EML1: variants seen among roughly 807,000 people sequenced by gnomAD.
The protein encoded by EML1 is EMAP like 1.
In EML1, 27 loss-of-function variants were observed where a neutral mutation model predicts 110.4. That is an observed-to-expected ratio of 0.24 (90% CI 0.18 to 0.34). EML1 has a LOEUF of 0.34. Among genes scored for constraint, EML1 ranks in the 10% least tolerant of loss-of-function variants. The pLI is 1.00. For missense variants in EML1, 741 were observed against 1,030.9 expected, an observed-to-expected ratio of 0.72 and a Z score of 3.85; for synonymous variants, 344 against 385.8, an observed-to-expected ratio of 0.89 and a Z score of 1.27.
At chr14:99,744,821 C>G (rs2057086011) in intron 1 of EML1, among the ~76,000 whole-genome samples, 1 of 152,260 alleles carries the variant, frequency 6.6e-6, no homozygotes, top group East Asian at 1.9e-4. Flanking sequence ...TATCTTTTGA[C>G]TTTTTATTTG....
At chr14:99,844,251 C>T (rs1010546729) in intron 1 of EML1, among the ~76,000 whole-genome samples, 4 of 152,134 alleles carry the variant, frequency 2.6e-5, no homozygotes, top group East Asian at 1.9e-4. Flanking sequence ...GAGGCCGAGG[C>T]GGGCGGATCA....
Position 99,922,297 on chromosome 14 carries a change from G to A in EML1, c.1909+1420G>A, listed in dbSNP as rs138348461. Among the ~76,000 whole-genome samples, 589 of 152,120 alleles carry A rather than the reference G, an allele frequency of 3.9e-3. 5 individuals are homozygous for A. Among genetic ancestry groups the A allele is most frequent in the African/African-American group, 0.014 (568 of 41,488 alleles). ...CACCTGGCTAATTTTTGTATTTTTA[G>A]TAGTGATGGGATTTCGCCATATTGG... On this transcript the variant is annotated intron_variant, in intron 17 of 21. Transcript: ENST00000262233.
intron 1 of EML1, among the ~76,000 whole-genome samples, chr14:99,763,761 A>G (rs1278799119): frequency 6.6e-6 from 1 of 152,188 alleles, no homozygotes; most frequent in Non-Finnish European, 1.5e-5. Flanking sequence ...ACCTCAGCAC[A>G]GTTGTGTAAT....
chr14:99,813,160 G>A (rs1323847628), intron 1 of EML1, among the ~76,000 whole-genome samples: 1 of 152,102 alleles, frequency 6.6e-6, no homozygotes, highest in Non-Finnish European at 1.5e-5. Flanking sequence ...AACCAGTTTT[G>A]TACGCTTTGA....
intron 1 of EML1, among the ~76,000 whole-genome samples, chr14:99,787,282 T>TC (rs1717586493): frequency 6.7e-6 from 1 of 148,670 alleles, no homozygotes; most frequent in Non-Finnish European, 1.5e-5. Context: ...TTTTTTTTTT[T>TC]TTTTTTTGAG....
intron 1 of EML1, 43 bp from the exon 2 acceptor site, chr14:99,850,809 TC>T (rs1233706938): frequency 6.3e-7 from 1 of 1,594,676 alleles, no homozygotes; most frequent in African/African-American, 1.3e-5. Flanking sequence ...AGATCTGATT[TC>T]CGGGGAACAC....
intron 1 of EML1, among the ~76,000 whole-genome samples, chr14:99,800,830 A>T (rs1362614884): frequency 2.6e-5 from 4 of 152,236 alleles, no homozygotes; most frequent in Non-Finnish European, 5.9e-5. Context: ...AAAATATTTA[A>T]ACTCTCTATC....
rs2056987219 is a variant in EML1 at position 99,737,840 on chromosome 14, A to T, written c.8A>T (p.Asp3Val). 3.1e-6 allele frequency: 4 copies of T among 1,289,234 alleles called. No individual in the cohort carries two copies. In the South Asian group the frequency reaches 4.9e-5, roughly 16 times the overall value. 79.9% of individuals were successfully genotyped at this position (1,289,234 alleles called of 1,614,324 possible). A position where few individuals can be genotyped will look rare whatever the true frequency, so the allele number is the denominator to read the frequency against. ...CCGCCCATCTTCCACACCATGTCGGACGGCGAGGGCCCCTCCGCCGGTGAG... is the reference window on the plus strand; with the variant it reads ...CCGCCCATCTTCCACACCATGTCGGTCGGCGAGGGCCCCTCCGCCGGTGAG... Residue 3 changes from aspartate to valine, a missense_variant, in exon 1 of 11, where the codon GAC (aspartate) becomes GTC (valine). Asp to Val is a radical substitution (Grantham distance 152). Transcript: ENST00000554479.
chr14:99,907,800 G>T, intron 10 of EML1, 67 bp downstream of exon 10: 1 of 1,506,430 alleles, frequency 6.6e-7, no homozygotes, highest in Non-Finnish European at 9.2e-7. Context: ...TGGCATAGTG[G>T]TAGCCCCCTT....
At chr14:99,751,263 G>A (rs926361725) in intron 1 of EML1, among the ~76,000 whole-genome samples, 1 of 151,986 alleles carries the variant, frequency 6.6e-6, no homozygotes, top group Non-Finnish European at 1.5e-5. Context: ...GAACCACAGG[G>A]GGGTGGGCAG....
chr14:99,913,164 G>GTTATATTA (rs1555403946), intron 13 of EML1, among the ~76,000 whole-genome samples: 37 of 100,590 alleles, frequency 3.7e-4, no homozygotes, highest in African/African-American at 1.0e-3. Context: ...TTATGGCAGT[G>GTTATATTA]TTATTATTAT....
intron 1 of EML1, among the ~76,000 whole-genome samples, chr14:99,748,320 GT>G (rs2057136731): frequency 6.6e-6 from 1 of 152,142 alleles, no homozygotes; most frequent in Non-Finnish European, 1.5e-5. Flanking sequence ...GGGGTGAGTG[GT>G]ACTCACGTTT....
intron 17 of EML1, among the ~76,000 whole-genome samples, chr14:99,933,708 CTACTT>C (rs1479274522): frequency 6.6e-6 from 1 of 152,230 alleles, no homozygotes; most frequent in African/African-American, 2.4e-5. Context: ...ATAATTATAT[CTACTT>C]CACGAGGTTG....
At position 99,880,264 on chromosome 14, in the gene EML1, C is replaced by T. The variant is rs144114411; in HGVS notation, c.518+1645C>T. Among the ~76,000 whole-genome samples, 264 of 152,258 alleles carry T rather than the reference C, an allele frequency of 1.7e-3. 2 individuals are homozygous for T. The highest frequency in any genetic ancestry group is 3.1e-3 in the Non-Finnish European group (210 of 68,020). On this transcript the variant is annotated intron_variant, in intron 4 of 21. Transcript: ENST00000262233. ...GGGTTTCAGAGACAGTTACTGTCTC[C>T]TCTTAGGCAATTGCTGGTCTTGACA...
intron 3 of EML1, among the ~76,000 whole-genome samples, chr14:99,873,645 T>C (rs2059241186): frequency 6.6e-6 from 1 of 152,204 alleles, no homozygotes; most frequent in African/African-American, 2.4e-5. Context: ...GACTTTGTAT[T>C]GTAGAAAGAA....
At chr14:99,838,672 G>T (rs949766811) in intron 1 of EML1, among the ~76,000 whole-genome samples, 1 of 152,052 alleles carries the variant, frequency 6.6e-6, no homozygotes, top group African/African-American at 2.4e-5. Context: ...CCAGAGCCTG[G>T]TGAGCCACCC....
At chr14:99,746,931 G>A (rs554206039) in intron 1 of EML1, among the ~76,000 whole-genome samples, 9 of 152,230 alleles carry the variant, frequency 5.9e-5, no homozygotes, top group Admixed American at 4.6e-4. Flanking sequence ...TGCCCTGGGC[G>A]GCTCCTCCGC....
intron 1 of EML1, among the ~76,000 whole-genome samples, chr14:99,817,021 A>G (rs778901224): frequency 6.6e-6 from 1 of 152,212 alleles, no homozygotes; most frequent in Non-Finnish European, 1.5e-5. Context: ...TCAACCCCCA[A>G]TGTCATCAAA....
intron 1 of EML1, among the ~76,000 whole-genome samples, chr14:99,764,970 C>G (rs1208458660): frequency 1.3e-5 from 2 of 151,946 alleles, no homozygotes; most frequent in Non-Finnish European, 2.9e-5. Context: ...CAGGGTCTTA[C>G]TCTGTTGCCC....
Sources: allele counts gnomAD v4.1 joint callset (sites outside exome capture counted in the v4.1 genomes callset), GRCh38; gene constraint gnomAD v4.1.1; transcripts MANE v1.5; gene names NCBI Gene and HGNC (gene_info 2026-07-23, HGNC 2026-07-21).